FBF1: variants seen among roughly 807,000 people sequenced by gnomAD.
FBF1 encodes fas-binding factor 1.
FBF1 carries 119 observed loss-of-function variants against 147.2 expected under a neutral mutation model. The ratio of observed to expected loss-of-function variants is 0.81; its 90% confidence interval spans 0.70 to 0.94. FBF1 has a LOEUF of 0.94. Ranked by LOEUF, FBF1 falls within the 40% of genes least tolerant of loss-of-function variation. The pLI, the probability that FBF1 is intolerant of heterozygous loss-of-function variation, is 0.00. For synonymous variants in FBF1, 601 were observed against 609.0 expected (o/e 0.99, Z 0.19); for missense variants, 1,449 against 1,500.8 (o/e 0.97, Z 0.57).
intron 25 of FBF1, 103 bp downstream of exon 25, chr17:75,914,644 T>G: frequency 8.2e-7 from 1 of 1,215,466 alleles, no homozygotes; most frequent in Non-Finnish European, 1.1e-6. Flanking sequence ...TCTTGTGACA[T>G]TAGTGCTACA....
At chr17:75,927,317 G>A (rs191936994) in intron 9 of FBF1, 138 bp downstream of exon 9, 25 of 692,246 alleles carry the variant, frequency 3.6e-5, no homozygotes, top group Middle Eastern at 5.7e-4. Flanking sequence ...AGCTGGTCCC[G>A]ACATGAATTC....
At position 75,941,022 on chromosome 17, in the gene FBF1, T is replaced by C. The variant is rs940210195; in HGVS notation, c.-258A>G. 7 of 152,262 alleles carry C rather than the reference T, an allele frequency of 4.6e-5. No individual in the cohort carries two copies. Among genetic ancestry groups the C allele is most frequent in the Non-Finnish European group, 1.0e-4 (7 of 68,056 alleles). 9.4% of individuals were successfully genotyped at this position (152,262 alleles called of 1,614,324 possible). A position where few individuals can be genotyped will look rare whatever the true frequency, so the allele number is the denominator to read the frequency against. On this transcript the variant is annotated 5_prime_UTR_variant, in exon 1 of 30. Transcript: ENST00000636174. ...GGACTGGCCTCCCGCTTCCAGCCGC[T>C]GCCGGCACCCTCAGCCGTCTGGCCT...
chr17:75,928,049 C>A lies in FBF1; in HGVS notation c.397+27G>T, dbSNP rs778696790. On this transcript the variant is annotated intron_variant, in intron 8 of 29. Coordinates refer to ENST00000636174, the MANE Select transcript of FBF1 (RefSeq NM_001319193.2). The surrounding 1 kb of genome is among the most constrained non-coding windows in gnomAD (Gnocchi z 4.2). ...CAGATGCGAGGAGCCGTCTCCCATGCACCTTTCTCACTGGCTACTGACCCA... is the reference window on the plus strand; with the variant it reads ...CAGATGCGAGGAGCCGTCTCCCATGAACCTTTCTCACTGGCTACTGACCCA... 1.8e-5 allele frequency: 29 copies of A among 1,581,710 alleles called. No homozygotes were observed. In the Middle Eastern group the frequency reaches 6.0e-4, roughly 33 times the overall value.
Position 75,923,145 on chromosome 17 carries a change from C to A in FBF1, c.1424+41G>T. On this transcript the variant is annotated intron_variant, in intron 14 of 29. Coordinates refer to ENST00000636174, the MANE Select transcript of FBF1 (RefSeq NM_001319193.2). This position sits in a 1 kb window ranked among gnomAD's most constrained non-coding sequence, Gnocchi z 4.1. ...GCAAAGGGGCTCCTCAAGTCCCCAG[C>A]CAGTCCTCCCCCTACTAGCCACAGC... is the stretch of plus-strand genomic sequence containing the variant. 1.3e-6 allele frequency: 2 copies of A among 1,501,360 alleles called. No homozygotes were observed. Among genetic ancestry groups the A allele is most frequent in the Middle Eastern group, 2.3e-4 (1 of 4,264 alleles). The allele number at this position is 1,501,360 out of a possible 1,614,324, so 93.0% of individuals were successfully genotyped here.
chr17:75,913,762 G>A lies in FBF1; in HGVS notation c.3187C>T (p.Pro1063Ser), dbSNP rs1248183800. 1 of 1,604,870 alleles carries A rather than the reference G, an allele frequency of 6.2e-7. No individual in the cohort carries two copies. Among genetic ancestry groups the A allele is most frequent in the Non-Finnish European group, 8.5e-7 (1 of 1,179,510 alleles). The change falls in exon 28 of 30, where the codon CCC becomes TCC. Residue 1063 changes from proline (P) to serine (S), a missense_variant. By Grantham distance (74) the Pro-to-Ser change is moderately conservative (BLOSUM62 -1). Transcript: ENST00000636174. ...LQLDRARQDL[P>S]SSLVGLFPRA... is the part of the protein sequence containing the mutation. The stretch of plus-strand genomic sequence containing the variant: ...GGGAACAGACCCACGAGGCTAGAGG[G>A]CAGGTCCTGTCGTGCGCGGTCCAGT...
Position 75,920,067 on chromosome 17 carries a change from A to T in FBF1, c.1871T>A (p.Leu624Gln). Reference protein sequence around the residue: ...LELERAQHELLLGSLQQQHQA... With the variant: ...LELERAQHELQLGSLQQQHQA... ...GTGCTGCTGCTGCAGACTCCCCAGC[A>T]GCAGCTCATGCTGGGCCCGTTCTAG... The change falls in exon 19 of 30, where the codon CTG becomes CAG. Residue 624 changes from leucine (L) to glutamine (Q), a missense_variant. Coordinates refer to ENST00000636174, the MANE Select transcript of FBF1 (RefSeq NM_001319193.2). 6.3e-7 allele frequency: 1 copy of T among 1,597,304 alleles called. No homozygotes were observed. Among genetic ancestry groups the T allele is most frequent in the Non-Finnish European group, 8.5e-7 (1 of 1,172,538 alleles).
chr17:75,936,998 T>G (rs1242735487), intron 3 of FBF1, among the ~76,000 whole-genome samples: 3 of 152,044 alleles, frequency 2.0e-5, no homozygotes, highest in African/African-American at 7.2e-5. Flanking sequence ...CACACCAGCT[T>G]TCCCACCCTG....
At position 75,925,434 on chromosome 17, in the gene FBF1, A is replaced by ATT; in HGVS notation, c.880_881insAA (p.Met294LysfsTer146). The ATT allele has an allele frequency of 6.2e-7, 1 of 1,613,372 alleles. No individual in the cohort carries two copies. Among genetic ancestry groups the ATT allele is most frequent in the East Asian group, 2.2e-5 (1 of 44,878 alleles). On this transcript the variant is annotated frameshift_variant, in exon 13 of 30. Transcript: ENST00000636174. LOFTEE classifies it high-confidence loss of function. The surrounding 1 kb of genome is among the most constrained non-coding windows in gnomAD (Gnocchi z 5.0). ...AAAGGTGAAGTCCTCGTCACCCCAC[A>ATT]TATCTTCACTGTCTGTGAATTAAGG...
intron 4 of FBF1, among the ~76,000 whole-genome samples, chr17:75,933,340 C>T (rs1047639565): frequency 4.6e-5 from 7 of 152,144 alleles, no homozygotes; most frequent in Non-Finnish European, 5.9e-5. Context: ...CAACTCAATG[C>T]ACCCCAAGGA....
rs771725054 is a variant in FBF1 at position 75,918,102 on chromosome 17, G to T, written c.2247-32C>A. The T allele has an allele frequency of 1.9e-6, 3 of 1,605,860 alleles. No individual in the cohort carries two copies. The South Asian group carries it at 3.3e-5, about 18-fold the overall frequency. ...GAAGACTGGGTCACCCCCTCCTGAC[G>T]GTCTCGGGGACCTTCCGGCCCCCAA... On this transcript the variant is annotated intron_variant, in intron 21 of 29. Coordinates refer to ENST00000636174, the MANE Select transcript of FBF1 (RefSeq NM_001319193.2). This position sits in a 1 kb window ranked among gnomAD's most constrained non-coding sequence, Gnocchi z 5.8.
chr17:75,929,945 ACCCC>A, intron 7 of FBF1, 48 bp downstream of exon 7: 1 of 650,912 alleles, frequency 1.5e-6, no homozygotes. Flanking sequence ...AAATATCATG[ACCCC>A]ACCCCACCCA....
Position 75,931,245 on chromosome 17 carries a change from TC to T in FBF1, c.211del (p.Glu71LysfsTer22). The T allele has an allele frequency of 6.3e-7, 1 of 1,579,538 alleles. No individual in the cohort carries two copies. The highest frequency in any genetic ancestry group is 1.3e-5 in the African/African-American group (1 of 74,226). On this transcript the variant is annotated frameshift_variant, in exon 6 of 30. Coordinates refer to ENST00000636174, the MANE Select transcript of FBF1 (RefSeq NM_001319193.2). LOFTEE classifies it high-confidence loss of function. ...DDVFSTMAGL[E>X]EADAEVSGIS... ...CAGGCTCACCTCAGCATCAGCTTCT[TC>T]CAGGCCTGCCATGGTGCTGAAGACA...
At position 75,915,119 on chromosome 17, in the gene FBF1, G is replaced by A. The variant is rs1045829457; in HGVS notation, c.2526C>T (p.Ala842=). 3 of 1,609,178 alleles carry A rather than the reference G, an allele frequency of 1.9e-6. No individual in the cohort carries two copies. In the East Asian group the frequency reaches 6.7e-5, roughly 36 times the overall value. Residue 842 remains alanine (A), a synonymous_variant, in exon 24 of 30, where the codon GCC becomes GCT. Coordinates refer to ENST00000636174, the MANE Select transcript of FBF1 (RefSeq NM_001319193.2). Reference sequence around the variant, plus strand: ...GCATGGACTCCGCCTTGGACTGCTCGGCAGTCACCCGCCAGCGTTCCTGTA... The same window carrying A: ...GCATGGACTCCGCCTTGGACTGCTCAGCAGTCACCCGCCAGCGTTCCTGTA... ...LLEQERWRVT[A]EQSKAESMQR...
Position 75,915,047 on chromosome 17 carries a change from G to A in FBF1, c.2598C>T (p.Ala866=), listed in dbSNP as rs745323621. 1 of 1,613,598 alleles carries A rather than the reference G, an allele frequency of 6.2e-7. No homozygotes were observed. Among genetic ancestry groups the A allele is most frequent in the South Asian group, 1.1e-5 (1 of 91,086 alleles). ...CCCGTTCCAGCTCCGCCCTTTCCAT[G>A]GCCATCTGCTGGGCCGTGACCTTCC... The part of the protein sequence containing the change: ...EQRKVTAQQM[A]MERAELERAK... Residue 866 remains alanine (A), a synonymous_variant, in exon 24 of 30, where the codon GCC becomes GCT. Transcript: ENST00000636174.
intron 7 of FBF1, 29 bp downstream of exon 7, chr17:75,929,965 AGTT>A: frequency 1.2e-5 from 1 of 82,364 alleles, no homozygotes; most frequent in Non-Finnish European, 2.6e-5. Flanking sequence ...ACCCACCCCC[AGTT>A]CTAAGAATCG....
chr17:75,910,829 C>T lies in FBF1; in HGVS notation c.3364-23G>A, dbSNP rs373119411. On this transcript the variant is annotated intron_variant, in intron 29 of 29. Transcript: ENST00000636174. This position sits in a 1 kb window ranked among gnomAD's most constrained non-coding sequence, Gnocchi z 4.1. ...GTCCTGCAAGGCAGGTTTGGATGGG[C>T]GGTCACCTTCCCTGAGCTGAGAGGG... is the stretch of plus-strand genomic sequence containing the variant. 10 of 1,587,290 alleles carry T rather than the reference C, an allele frequency of 6.3e-6. No homozygotes were observed. In the African/African-American group the frequency reaches 6.7e-5, roughly 11 times the overall value.
At position 75,910,024 on chromosome 17, in the gene FBF1, CA is replaced by C; in HGVS notation, c.*698del. 3.0e-6 allele frequency: 2 copies of C among 667,628 alleles called. No individual in the cohort carries two copies. The highest frequency in any genetic ancestry group is 5.5e-6 in the Non-Finnish European group (2 of 362,786). 41.4% of individuals were successfully genotyped at this position (667,628 alleles called of 1,614,324 possible). On this transcript the variant is annotated 3_prime_UTR_variant, in exon 30 of 30. Coordinates refer to ENST00000636174, the MANE Select transcript of FBF1 (RefSeq NM_001319193.2). This position sits in a 1 kb window ranked among gnomAD's most constrained non-coding sequence, Gnocchi z 4.1. ...TCCCTCCTCGTCCCTCCCCACACCC[CA>C]CCATCGCCACAGCTCCCTCCGCCGC...
At chr17:75,930,734 C>T (rs1479533866) in intron 6 of FBF1, among the ~76,000 whole-genome samples, 1 of 152,134 alleles carries the variant, frequency 6.6e-6, no homozygotes, top group Non-Finnish European at 1.5e-5. Flanking sequence ...CCAGCCTGAC[C>T]AACAGGGTGA....
Position 75,926,869 on chromosome 17 carries a change from C to T in FBF1, c.484G>A (p.Asp162Asn), listed in dbSNP as rs775559175. Residue 162 changes from aspartate (D) to asparagine (N), a missense_variant, in exon 10 of 30, where the codon GAC becomes AAC. Transcript: ENST00000636174. ...NRRFSSEDLE[D>N]PLRGLLSYDE... ...TAGGAGAGAAGTCCTCTCAATGGGTCTTCCAAGTCTCACAGCAGAAGGGAA... is the reference window on the plus strand; with the variant it reads ...TAGGAGAGAAGTCCTCTCAATGGGTTTTCCAAGTCTCACAGCAGAAGGGAA... 1.2e-6 allele frequency: 2 copies of T among 1,611,470 alleles called. No individual in the cohort carries two copies. Among genetic ancestry groups the T allele is most frequent in the Non-Finnish European group, 8.5e-7 (1 of 1,178,830 alleles).
Sources: allele counts gnomAD v4.1 joint callset (sites outside exome capture counted in the v4.1 genomes callset), GRCh38; gene constraint gnomAD v4.1.1; non-coding constraint Gnocchi (gnomAD v3.1); transcripts MANE v1.5; gene names NCBI Gene and HGNC (gene_info 2026-07-23, HGNC 2026-07-21).